NR2F1-AS1: variants seen among roughly 807,000 people sequenced by gnomAD.
NR2F1-AS1 encodes NR2F1 regulatory antisense RNA 1.
upstream of NR2F1-AS1, chr5:93,585,166 C>T: frequency 1.6e-6 from 2 of 1,213,656 alleles, no homozygotes; most frequent in Non-Finnish European, 2.0e-6. Flanking sequence ...GGCTCGGGCG[C>T]GCCGCACACG....
intron 2 of NR2F1-AS1, among the ~76,000 whole-genome samples, chr5:93,557,249 G>A (rs1262871143): frequency 6.6e-6 from 1 of 152,154 alleles, no homozygotes; most frequent in Non-Finnish European, 1.5e-5. Flanking sequence ...AATGTGATCT[G>A]ACCCATAATA....
At chr5:93,421,724 C>G (rs184785393) in intron 4 of NR2F1-AS1, among the ~76,000 whole-genome samples, 41 of 152,336 alleles carry the variant, frequency 2.7e-4, no homozygotes, top group African/African-American at 9.6e-4. Context: ...GCTCCATTGT[C>G]CCCAGCACAA....
intron 4 of NR2F1-AS1, among the ~76,000 whole-genome samples, chr5:93,502,830 T>C (rs951945319): frequency 1.3e-5 from 2 of 152,150 alleles, no homozygotes; most frequent in African/African-American, 4.8e-5. Flanking sequence ...TATAATGTTA[T>C]AGTGTAATTG....
At chr5:93,494,070 T>G (rs556785980) in intron 4 of NR2F1-AS1, among the ~76,000 whole-genome samples, 1 of 152,266 alleles carries the variant, frequency 6.6e-6, no homozygotes, top group African/African-American at 2.4e-5. Flanking sequence ...CAATTATATC[T>G]GATAAGAAAT....
At chr5:93,560,918 C>T (rs1752472140) in intron 2 of NR2F1-AS1, among the ~76,000 whole-genome samples, 1 of 152,136 alleles carries the variant, frequency 6.6e-6, no homozygotes, top group African/African-American at 2.4e-5. Flanking sequence ...CAATTAAGTC[C>T]AGAAAGACTG....
Position 93,482,063 on chromosome 5 carries a change from A to G in NR2F1-AS1, n.638+71698T>C, listed in dbSNP as rs77070596. Among the ~76,000 whole-genome samples the G allele has an allele frequency of 0.011, 1,710 of 152,260 alleles. 144 individuals are homozygous for G. In the East Asian group the frequency reaches 0.2, roughly 18 times the overall value. Reference sequence around the variant, plus strand: ...ATAATAAAGATTAGAGAAAAGATAAAACAGAAAGGAGAAAAACTATAGAGA... The same window carrying G: ...ATAATAAAGATTAGAGAAAAGATAAGACAGAAAGGAGAAAAACTATAGAGA... On this transcript the variant is annotated intron_variant and non_coding_transcript_variant, in intron 4 of 5. Transcript: ENST00000660523.
At chr5:93,517,516 T>C (rs1189842894) in intron 4 of NR2F1-AS1, among the ~76,000 whole-genome samples, 3 of 152,060 alleles carry the variant, frequency 2.0e-5, no homozygotes, top group Non-Finnish European at 4.4e-5. Context: ...TTGTTTGTTG[T>C]ATGTCTCAGA....
At chr5:93,564,124 AAAAAAAAAAAAAAAAAAAAAAAAAAAC>A (rs1361078505) in intron 1 of NR2F1-AS1, among the ~76,000 whole-genome samples, 4 of 93,046 alleles carry the variant, frequency 4.3e-5, no homozygotes, top group African/African-American at 2.0e-4. Flanking sequence ...AAAAAAAAAA[AAAAAAAAAAAAAAAAAAAAAAAAAAAC>A]ACACAACTAC....
At chr5:93,453,325 G>T (rs1749877838) in intron 4 of NR2F1-AS1, among the ~76,000 whole-genome samples, 1 of 151,938 alleles carries the variant, frequency 6.6e-6, no homozygotes, top group Admixed American at 6.6e-5. Context: ...ACCATATCAT[G>T]CAGACTAATA....
At chr5:93,508,127 T>C (rs1279175480) in intron 4 of NR2F1-AS1, among the ~76,000 whole-genome samples, 1 of 152,112 alleles carries the variant, frequency 6.6e-6, no homozygotes, top group African/African-American at 2.4e-5. Flanking sequence ...GACCCTATAA[T>C]TCACATGTAA....
At chr5:93,411,859 T>C (rs1025726466) in intron 4 of NR2F1-AS1, among the ~76,000 whole-genome samples, 1 of 152,136 alleles carries the variant, frequency 6.6e-6, no homozygotes, top group African/African-American at 2.4e-5. Context: ...CCCTACCCCT[T>C]TGTGAATAGT....
chr5:93,543,319 A>G (rs1751997384), intron 4 of NR2F1-AS1: 1 of 152,246 alleles, frequency 6.6e-6, no homozygotes, highest in African/African-American at 2.4e-5. Context: ...TCAGACACAA[A>G]TTATAAAACT....
At chr5:93,545,145 A>G (rs1752053266) in intron 4 of NR2F1-AS1, among the ~76,000 whole-genome samples, 1 of 152,208 alleles carries the variant, frequency 6.6e-6, no homozygotes, top group Non-Finnish European at 1.5e-5. Context: ...AAGTCCCTAT[A>G]GAGTTAAGAT....
chr5:93,484,245 C>G (rs957092827), intron 4 of NR2F1-AS1, among the ~76,000 whole-genome samples: 1 of 152,038 alleles, frequency 6.6e-6, no homozygotes, highest in Non-Finnish European at 1.5e-5. Context: ...AGACTAACAG[C>G]GGATCTCTCT....
intron 4 of NR2F1-AS1, among the ~76,000 whole-genome samples, chr5:93,479,384 T>G (rs932135805): frequency 6.6e-6 from 1 of 152,196 alleles, no homozygotes; most frequent in Non-Finnish European, 1.5e-5. Flanking sequence ...TCCAGGCATT[T>G]AAGAAAAATC....
intron 4 of NR2F1-AS1, among the ~76,000 whole-genome samples, chr5:93,429,869 T>C (rs1340369172): frequency 6.6e-6 from 1 of 152,240 alleles, no homozygotes; most frequent in African/African-American, 2.4e-5. Context: ...TGGTTTCATC[T>C]ATATACAGTT....
At chr5:93,525,848 G>A (rs922635033) in intron 4 of NR2F1-AS1, among the ~76,000 whole-genome samples, 2 of 152,076 alleles carry the variant, frequency 1.3e-5, no homozygotes, top group Non-Finnish European at 2.9e-5. Context: ...CTGGGACACA[G>A]CTAAAGCAGT....
At chr5:93,528,134 G>C (rs946182168) in intron 4 of NR2F1-AS1, among the ~76,000 whole-genome samples, 3 of 151,762 alleles carry the variant, frequency 2.0e-5, no homozygotes, top group Non-Finnish European at 4.4e-5. Context: ...AATCTACAAA[G>C]AACTTAAACA....
chr5:93,585,154 C>G (rs1753207201), upstream of NR2F1-AS1: 1 of 1,163,112 alleles, frequency 8.6e-7, no homozygotes, highest in African/African-American at 1.6e-5. Context: ...CAGCAGCAGG[C>G]GGGCTCGGGC....
Sources: allele counts gnomAD v4.1 joint callset (sites outside exome capture counted in the v4.1 genomes callset), GRCh38; gene constraint gnomAD v4.1.1; transcripts MANE v1.5; gene names NCBI Gene and HGNC (gene_info 2026-07-23, HGNC 2026-07-21).